DLGAP1: variants seen among roughly 807,000 people sequenced by gnomAD.
The protein encoded by DLGAP1 is disks large-associated protein 1.
DLGAP1 carries 11 observed loss-of-function variants against 90.8 expected under a neutral mutation model. The ratio of observed to expected loss-of-function variants is 0.12; its 90% CI spans 0.08 to 0.20. DLGAP1 has a LOEUF of 0.20. Among genes scored for constraint, DLGAP1 ranks in the 10% least tolerant of loss-of-function variants. The probability of loss-of-function intolerance (pLI) is 1.00; values close to 1 mark genes in which losing one functional copy is unlikely to be tolerated. For synonymous variants in DLGAP1, 558 were observed against 540.7 expected (o/e 1.03, Z -0.44); for missense variants, 1,050 against 1,333.8 (o/e 0.79, Z 3.31).
intron 10 of DLGAP1, among the ~76,000 whole-genome samples, chr18:3,532,085 C>T (rs908656867): frequency 6.6e-6 from 1 of 151,828 alleles, no homozygotes; most frequent in Non-Finnish European, 1.5e-5. Context: ...GAACTCCTGA[C>T]CTCAAGCGAT....
chr18:4,364,364 A>T (rs898175277), intron 1 of DLGAP1, among the ~76,000 whole-genome samples: 4 of 151,506 alleles, frequency 2.6e-5, no homozygotes, highest in African/African-American at 9.7e-5. Context: ...TATGTAACTA[A>T]CCTGCACATT....
chr18:3,974,343 G>A (rs1356980901), intron 3 of DLGAP1, among the ~76,000 whole-genome samples: 2 of 152,120 alleles, frequency 1.3e-5, no homozygotes, highest in South Asian at 2.1e-4. Context: ...TGGGACCACC[G>A]TCCTACAGGC....
intron 7 of DLGAP1, among the ~76,000 whole-genome samples, chr18:3,691,962 G>C (rs574774699): frequency 1.7e-4 from 26 of 152,096 alleles, no homozygotes; most frequent in African/African-American, 6.3e-4. Flanking sequence ...TGAGGAATTA[G>C]TTCATTTAAT....
chr18:3,550,560 G>C lies in DLGAP1; in HGVS notation c.2058-15945C>G, dbSNP rs116587909. On this transcript the variant is annotated intron_variant, in intron 9 of 12. Coordinates refer to ENST00000315677, the MANE Select transcript of DLGAP1 (RefSeq NM_004746.4). ...TTAAACAGGTGATTGAGGCCCCAAG[G>C]GTGGGCTCTAATCCAGTATGACTGG... Among the ~76,000 whole-genome samples, 782 of 151,968 alleles carry C rather than the reference G, an allele frequency of 5.1e-3. 7 individuals carry two copies. The highest frequency in any genetic ancestry group is 0.018 in the African/African-American group (728 of 41,444).
intron 7 of DLGAP1, among the ~76,000 whole-genome samples, chr18:3,710,121 T>C (rs1438004090): frequency 6.6e-6 from 1 of 152,234 alleles, no homozygotes; most frequent in Non-Finnish European, 1.5e-5. Flanking sequence ...TGGATGGATT[T>C]ATGCTTCTCT....
chr18:4,119,020 T>A (rs1347363011), intron 2 of DLGAP1, among the ~76,000 whole-genome samples: 2 of 152,138 alleles, frequency 1.3e-5, no homozygotes, highest in Non-Finnish European at 2.9e-5. Flanking sequence ...GGGTATACAT[T>A]TTTTCACAAC....
intron 1 of DLGAP1, among the ~76,000 whole-genome samples, chr18:4,406,749 T>C (rs1392190845): frequency 6.6e-6 from 1 of 152,202 alleles, no homozygotes; most frequent in East Asian, 1.9e-4. Flanking sequence ...AGAAGAGTCC[T>C]GCAATAGTAA....
intron 1 of DLGAP1, among the ~76,000 whole-genome samples, chr18:4,194,052 A>G (rs2144753883): frequency 6.6e-6 from 1 of 152,234 alleles, no homozygotes; most frequent in East Asian, 1.9e-4. Context: ...CTGTAACCCC[A>G]ACTGTTATAT....
chr18:4,365,098 T>C (rs2081731707), intron 1 of DLGAP1, among the ~76,000 whole-genome samples: 1 of 152,192 alleles, frequency 6.6e-6, no homozygotes, highest in South Asian at 2.1e-4. Context: ...GGAATTAATC[T>C]TCCTTGTGAA....
intron 1 of DLGAP1, among the ~76,000 whole-genome samples, chr18:4,373,586 G>A (rs758748881): frequency 2.6e-5 from 4 of 152,056 alleles, no homozygotes; most frequent in Non-Finnish European, 4.4e-5. Flanking sequence ...GCACATACAC[G>A]CATATGAACA....
At position 3,711,753 on chromosome 18, in the gene DLGAP1, T is replaced by C. The variant is rs103814; in HGVS notation, c.1591+17382A>G. Reference sequence around the variant, plus strand: ...ACTTGGGAGGCTCAGGTGGGAGGCTTGCTTGAGCCCGGGAGATCAAGGCTG... The same window carrying C: ...ACTTGGGAGGCTCAGGTGGGAGGCTCGCTTGAGCCCGGGAGATCAAGGCTG... On this transcript the variant is annotated intron_variant, in intron 7 of 12. Transcript: ENST00000315677. The surrounding 1 kb of genome is among the most constrained non-coding windows in gnomAD (Gnocchi z 4.0). Among the ~76,000 whole-genome samples, 94,775 of 152,024 alleles carry C rather than the reference T, an allele frequency of 0.62. 30,715 individuals are homozygous for C. Among genetic ancestry groups the C allele is most frequent in the African/African-American group, 0.8 (33,278 of 41,484 alleles).
intron 7 of DLGAP1, among the ~76,000 whole-genome samples, chr18:3,593,404 G>A (rs111761947): frequency 6.6e-6 from 1 of 152,220 alleles, no homozygotes; most frequent in African/African-American, 2.4e-5. Flanking sequence ...AAGCGTGGCG[G>A]TCAGTGGTGA....
At chr18:3,715,014 G>A (rs1009206843) in intron 7 of DLGAP1, among the ~76,000 whole-genome samples, 1 of 152,188 alleles carries the variant, frequency 6.6e-6, no homozygotes, top group Non-Finnish European at 1.5e-5. Flanking sequence ...ATGCTTTGAA[G>A]TAACTTGTCC....
chr18:3,545,034 C>G (rs1197473698), intron 9 of DLGAP1, among the ~76,000 whole-genome samples: 1 of 151,790 alleles, frequency 6.6e-6, no homozygotes, highest in African/African-American at 2.4e-5. Context: ...TTTGGGAGGC[C>G]GAGGTGGGCA....
At chr18:3,603,587 G>A (rs1158010275) in intron 7 of DLGAP1, 1 of 153,008 alleles carries the variant, frequency 6.5e-6, no homozygotes, top group African/African-American at 2.4e-5. Context: ...AAATGTAAAT[G>A]ACTGAGTCAT....
intron 1 of DLGAP1, among the ~76,000 whole-genome samples, chr18:4,162,357 T>G (rs1450601093): frequency 6.6e-6 from 1 of 152,166 alleles, no homozygotes; most frequent in African/African-American, 2.4e-5. Context: ...AGATAGGGTC[T>G]CTCTGCTCTC....
At chr18:4,117,968 T>C (rs2076089098) in intron 2 of DLGAP1, among the ~76,000 whole-genome samples, 1 of 152,096 alleles carries the variant, frequency 6.6e-6, no homozygotes, top group South Asian at 2.1e-4. Flanking sequence ...TTCTGACTAT[T>C]GCTAGGTACA....
intron 3 of DLGAP1, among the ~76,000 whole-genome samples, chr18:3,890,419 C>T (rs996716589): frequency 6.6e-6 from 1 of 152,194 alleles, no homozygotes; most frequent in African/African-American, 2.4e-5. Context: ...CCTGCCCTGA[C>T]CTCTGCAATA....
intron 2 of DLGAP1, among the ~76,000 whole-genome samples, chr18:4,092,231 G>A (rs1309446499): frequency 6.6e-6 from 1 of 152,144 alleles, no homozygotes; most frequent in Non-Finnish European, 1.5e-5. Flanking sequence ...CAACACACAG[G>A]GAGCTCTTCC....
Sources: allele counts gnomAD v4.1 joint callset (sites outside exome capture counted in the v4.1 genomes callset), GRCh38; gene constraint gnomAD v4.1.1; non-coding constraint Gnocchi (gnomAD v3.1); transcripts MANE v1.5; gene names NCBI Gene and HGNC (gene_info 2026-07-23, HGNC 2026-07-21).